Variants in KYAT3 observed in about 807,000 individuals in gnomAD.
KYAT3 encodes kynurenine--oxoglutarate transaminase 3.
A neutral mutation model predicts 59.0 loss-of-function variants in KYAT3; 50 were observed. The observed-to-expected ratio is 0.85, with a 90% CI of 0.68 to 1.07. The LOEUF (loss-of-function observed/expected upper bound fraction) is 1.07. Ranked by LOEUF, KYAT3 falls within the 50% of genes least tolerant of loss-of-function variation. The pLI is 0.00. For synonymous variants in KYAT3, 148 were observed against 177.0 expected (o/e 0.84, Z 1.30); for missense variants, 497 against 533.3 (o/e 0.93, Z 0.67).
intron 5 of KYAT3, 48 bp from the exon 6 acceptor site, chr1:88,962,193 G>C (rs1007369705): frequency 1.7e-5 from 22 of 1,311,312 alleles, no homozygotes; most frequent in Admixed American, 3.4e-5. Context: ...ATTTATTCAT[G>C]TTAATAATAC....
intron 10 of KYAT3, 112 bp downstream of exon 10, chr1:88,952,951 G>A: frequency 1.6e-6 from 1 of 638,944 alleles, no homozygotes. Flanking sequence ...TATATTAGAA[G>A]GCCCTGCAAC....
At chr1:88,945,731 AAG>A (rs1675416464) in intron 11 of KYAT3, among the ~76,000 whole-genome samples, 1 of 152,256 alleles carries the variant, frequency 6.6e-6, no homozygotes, top group Non-Finnish European at 1.5e-5. Flanking sequence ...ACGATTAAAT[AAG>A]AGTTTTTGTT....
At chr1:88,924,647 C>T in the KYAT3 span, among the ~76,000 whole-genome samples, 4 of 152,196 alleles carry the variant, frequency 2.6e-5, no homozygotes, top group African/African-American at 9.7e-5. Context: ...TTTTGCTCGC[C>T]GTCTACCACT....
chr1:88,931,772 G>A (rs547590020), downstream of KYAT3, among the ~76,000 whole-genome samples: 2 of 148,878 alleles, frequency 1.3e-5, no homozygotes, highest in East Asian at 4.0e-4. Flanking sequence ...AGAGCACAAT[G>A]GGAAGGACAA....
At chr1:88,944,216 T>C (rs1675350327) in intron 11 of KYAT3, among the ~76,000 whole-genome samples, 1 of 152,230 alleles carries the variant, frequency 6.6e-6, no homozygotes, top group African/African-American at 2.4e-5. Flanking sequence ...GCAACTAATA[T>C]TGATGGTTAT....
At chr1:88,987,545 G>T (rs1327633313) in intron 2 of KYAT3, among the ~76,000 whole-genome samples, 2 of 152,000 alleles carry the variant, frequency 1.3e-5, no homozygotes, top group African/African-American at 2.4e-5. Flanking sequence ...GCCAAAAATG[G>T]AATTTTCATA....
intron 13 of KYAT3, among the ~76,000 whole-genome samples, chr1:88,941,745 T>C (rs2101015836): frequency 6.6e-6 from 1 of 152,300 alleles, no homozygotes; most frequent in East Asian, 1.9e-4. Context: ...GATCTCACTA[T>C]GTTTCCCAGG....
chr1:88,968,736 T>C lies in KYAT3; in HGVS notation c.237A>G (p.Thr79=), dbSNP rs1253768124. ...TCTTTGATAATTCTTCTTTTACATA[T>C]GTAGGAGGGGATATATCTGGAAAGC... ...GQGFPDISPP[T]YVKEELSKIA... is the part of the protein sequence containing the mutation. The change falls in exon 4 of 14, where the codon ACA becomes ACG. Residue 79 remains threonine, a synonymous_variant. Transcript: ENST00000260508. 2.5e-6 allele frequency: 4 copies of C among 1,602,802 alleles called. No individual in the cohort carries two copies. Among genetic ancestry groups the C allele is most frequent in the Non-Finnish European group, 2.5e-6 (3 of 1,176,802 alleles).
chr1:88,943,653 GGTGATTAGGCTTATAC>G (rs1675330663), intron 11 of KYAT3, among the ~76,000 whole-genome samples: 2 of 152,128 alleles, frequency 1.3e-5, no homozygotes, highest in South Asian at 4.1e-4. Flanking sequence ...TATACATCAG[GGTGATTAGGCTTATAC>G]GTGCAGCTTT....
At chr1:88,921,473 C>T in the KYAT3 span, among the ~76,000 whole-genome samples, 1 of 152,152 alleles carries the variant, frequency 6.6e-6, no homozygotes, top group South Asian at 2.1e-4. Context: ...CATATACTCT[C>T]TATTCCATAA....
the KYAT3 span, among the ~76,000 whole-genome samples, chr1:88,923,133 ATTAGATTCAAAACCATATGAC>A: frequency 6.6e-6 from 1 of 152,240 alleles, no homozygotes. Flanking sequence ...ATTGCCATTT[ATTAGATTCAAAACCATATGAC>A]TTAGGCTTTC....
rs563355772 is a variant in KYAT3, at chr1:88,962,788, C to T, written c.454-643G>A. ...GGGATTACAGGCCTGAGCCACCACACTCAGCCTCATCTGTGAAGTTCTCAG... is the reference window on the plus strand; with the variant it reads ...GGGATTACAGGCCTGAGCCACCACATTCAGCCTCATCTGTGAAGTTCTCAG... On this transcript the variant is annotated intron_variant, in intron 5 of 13. Transcript: ENST00000260508. Among the ~76,000 whole-genome samples, 81 of 152,314 alleles carry T rather than the reference C, an allele frequency of 5.3e-4. No homozygotes were observed. The South Asian group carries it at 0.017, about 31-fold the overall frequency.
At chr1:88,953,402 TG>T (rs1415722920) in intron 9 of KYAT3, among the ~76,000 whole-genome samples, 7 of 152,038 alleles carry the variant, frequency 4.6e-5, no homozygotes, top group African/African-American at 1.7e-4. Flanking sequence ...AAAAATTAGC[TG>T]GGCATGGTGG....
the KYAT3 span, among the ~76,000 whole-genome samples, chr1:88,926,136 G>A: frequency 1.3e-5 from 2 of 152,330 alleles, no homozygotes; most frequent in African/African-American, 2.4e-5. Flanking sequence ...CAGAACTATC[G>A]TAAGTCAAAA....
chr1:88,951,595 A>C (rs908580979), intron 10 of KYAT3, among the ~76,000 whole-genome samples: 2 of 151,560 alleles, frequency 1.3e-5, no homozygotes, highest in African/African-American at 4.8e-5. Context: ...TTGATTATCC[A>C]TAGAATGATG....
At chr1:88,986,063 C>T (rs1457868061) in intron 2 of KYAT3, among the ~76,000 whole-genome samples, 1 of 151,834 alleles carries the variant, frequency 6.6e-6, no homozygotes, top group African/African-American at 2.4e-5. Context: ...CACCTATAGT[C>T]CCAGCTACTC....
At chr1:88,932,065 C>A (rs933377977), downstream of KYAT3, among the ~76,000 whole-genome samples, 1 of 152,084 alleles carries the variant, frequency 6.6e-6, no homozygotes, top group African/African-American at 2.4e-5. Context: ...AGGGTGCACG[C>A]AGAAATTCTA....
chr1:88,930,118 G>A, the KYAT3 span, among the ~76,000 whole-genome samples: 5 of 152,292 alleles, frequency 3.3e-5, no homozygotes, highest in South Asian at 2.1e-4. Flanking sequence ...AATCTGTGGC[G>A]TACCTGAGTA....
At chr1:88,989,268 A>G (rs2101102373) in intron 1 of KYAT3, among the ~76,000 whole-genome samples, 1 of 152,322 alleles carries the variant, frequency 6.6e-6, no homozygotes, top group South Asian at 2.1e-4. Context: ...CAAACCCAGT[A>G]GTATACAAGA....
Sources: allele counts gnomAD v4.1 joint callset (sites outside exome capture counted in the v4.1 genomes callset), GRCh38; gene constraint gnomAD v4.1.1; transcripts MANE v1.5; gene names NCBI Gene and HGNC (gene_info 2026-07-23, HGNC 2026-07-21).